The following USH2A variants were observed in gnomAD, a reference collection of about 807,000 sequenced individuals.
USH2A encodes the protein Usher syndrome 2A (autosomal recessive, mild).
In USH2A, 443 loss-of-function variants were observed where a neutral mutation model predicts 538.9. That is an observed-to-expected ratio of 0.82 (90% CI 0.76 to 0.89). The LOEUF is 0.89. USH2A is among the 40% of genes least tolerant of loss of function. The pLI, the probability that USH2A is intolerant of heterozygous loss-of-function variation, is 0.00. For missense variants in USH2A, 6,633 were observed against 6,324.8 expected, an observed-to-expected ratio of 1.05 and a Z score of -1.65; for synonymous variants, 2,413 against 2,273.5, an observed-to-expected ratio of 1.06 and a Z score of -1.75.
intron 16 of USH2A, among the ~76,000 whole-genome samples, chr1:216,200,728 T>C (rs2034968475): frequency 6.6e-6 from 1 of 151,488 alleles, no homozygotes; most frequent in Non-Finnish European, 1.5e-5. Context: ...TACAAAGAGG[T>C]TTTTAAAAAA....
At chr1:215,949,706 A>C (rs1478065182) in intron 37 of USH2A, among the ~76,000 whole-genome samples, 2 of 152,106 alleles carry the variant, frequency 1.3e-5, no homozygotes, top group Non-Finnish European at 2.9e-5. Context: ...AATATTTTTT[A>C]TAAAAATAAA....
intron 41 of USH2A, among the ~76,000 whole-genome samples, chr1:215,880,765 C>T (rs546795182): frequency 1.3e-5 from 2 of 152,116 alleles, no homozygotes; most frequent in Non-Finnish European, 2.9e-5. Context: ...CCTCTTAGAC[C>T]AGAATACTTT....
At position 215,892,308 on chromosome 1, in the gene USH2A, G is replaced by T. The variant is rs184129639; in HGVS notation, c.7595-3254C>A. Among the ~76,000 whole-genome samples, 475 of 152,142 alleles carry T rather than the reference G, an allele frequency of 3.1e-3. 2 individuals carry two copies. Among genetic ancestry groups the T allele is most frequent in the Non-Finnish European group, 4.2e-3 (283 of 67,982 alleles). The stretch of plus-strand genomic sequence containing the variant: ...TCAGTTTTCTTGTTACATTCTCATT[G>T]TTGCCCTGAAGCAATATTTTACCAT... On this transcript the variant is annotated intron_variant, in intron 40 of 71. Coordinates refer to ENST00000307340, the MANE Select transcript of USH2A (RefSeq NM_206933.4).
rs546656667 is a variant in USH2A at position 215,785,158 on chromosome 1, A to T, written c.10387+1512T>A. On this transcript the variant is annotated intron_variant, in intron 52 of 71. Coordinates refer to ENST00000307340, the MANE Select transcript of USH2A (RefSeq NM_206933.4). ...ATGCCCTATTCATAAGGATGTTTCAATCTAATAGAAGAGCTGGAACAAGTG... is the reference window on the plus strand; with the variant it reads ...ATGCCCTATTCATAAGGATGTTTCATTCTAATAGAAGAGCTGGAACAAGTG... 9.2e-5 allele frequency among the ~76,000 whole-genome samples: 14 copies of T among 152,322 alleles called. No individual in the cohort carries two copies. In the East Asian group the frequency reaches 2.5e-3, roughly 27 times the overall value.
chr1:216,371,638 T>C (rs1466008582), intron 3 of USH2A, among the ~76,000 whole-genome samples: 2 of 152,214 alleles, frequency 1.3e-5, no homozygotes, highest in African/African-American at 4.8e-5. Context: ...CTTGTTAGAT[T>C]CAGCCTATTG....
chr1:216,233,316 G>C (rs1459757552), intron 13 of USH2A, among the ~76,000 whole-genome samples: 1 of 152,000 alleles, frequency 6.6e-6, no homozygotes. Flanking sequence ...TATCTCTGTT[G>C]CTCAGTTCAC....
At chr1:216,401,850 C>A (rs1361126491) in intron 3 of USH2A, among the ~76,000 whole-genome samples, 4 of 152,042 alleles carry the variant, frequency 2.6e-5, no homozygotes, top group African/African-American at 9.7e-5. Flanking sequence ...ACAATTAAAT[C>A]AGGGACGTCA....
chr1:215,951,477 T>A (rs546158352), intron 37 of USH2A, among the ~76,000 whole-genome samples: 2 of 152,306 alleles, frequency 1.3e-5, no homozygotes, highest in South Asian at 4.1e-4. Flanking sequence ...CTTCCAACTA[T>A]GTGGTCAATT....
chr1:216,120,774 C>T (rs1341002333), intron 21 of USH2A, among the ~76,000 whole-genome samples: 1 of 151,778 alleles, frequency 6.6e-6, no homozygotes, highest in East Asian at 2.0e-4. Context: ...TCGCTTGAAC[C>T]CGGGAGGTGG....
At chr1:215,789,934 G>A in intron 51 of USH2A, 125 bp downstream of exon 51, 1 of 848,184 alleles carries the variant, frequency 1.2e-6, no homozygotes, top group South Asian at 1.5e-5. Context: ...TAATATGGAT[G>A]TAATGTGAAA....
intron 21 of USH2A, among the ~76,000 whole-genome samples, chr1:216,097,603 T>G (rs1203947328): frequency 6.6e-6 from 1 of 152,154 alleles, no homozygotes; most frequent in Admixed American, 6.5e-5. Flanking sequence ...GCTTAAAATA[T>G]TTATGAAGTT....
chr1:216,107,545 TTG>T (rs1571966851), intron 21 of USH2A, among the ~76,000 whole-genome samples: 2 of 69,374 alleles, frequency 2.9e-5, no homozygotes, highest in East Asian at 0.011. Context: ...TTTGTAAGTC[TTG>T]CTTATTTAGC....
At chr1:216,365,682 T>A (rs539059220) in intron 3 of USH2A, among the ~76,000 whole-genome samples, 13 of 152,096 alleles carry the variant, frequency 8.5e-5, no homozygotes, top group African/African-American at 3.1e-4. Context: ...ATTAGCAATT[T>A]TTTTTTTCTG....
intron 21 of USH2A, among the ~76,000 whole-genome samples, chr1:216,142,276 G>A (rs778349603): frequency 7.2e-5 from 11 of 152,164 alleles, no homozygotes; most frequent in Non-Finnish European, 1.3e-4. Context: ...ATTGTATTAC[G>A]TTTGGCAATG....
Position 216,180,107 on chromosome 1 carries a change from A to G in USH2A, c.4397-4625T>C, listed in dbSNP as rs575044547. On this transcript the variant is annotated intron_variant, in intron 20 of 71. Transcript: ENST00000307340. ...GAAAACAAGTTTCTATACAAATATA[A>G]GGTGCTATCATTACAAGAACAAATC... Among the ~76,000 whole-genome samples the G allele has an allele frequency of 1.4e-4, 21 of 152,236 alleles. No homozygotes were observed. The East Asian group carries it at 3.7e-3, about 27-fold the overall frequency.
intron 37 of USH2A, among the ~76,000 whole-genome samples, chr1:215,962,896 A>C (rs1480941517): frequency 1.3e-5 from 2 of 152,116 alleles, no homozygotes; most frequent in Non-Finnish European, 2.9e-5. Context: ...TGTTTTTGTA[A>C]AGTTTTTAGT....
At chr1:216,112,015 T>G (rs939150884) in intron 21 of USH2A, among the ~76,000 whole-genome samples, 4 of 152,026 alleles carry the variant, frequency 2.6e-5, no homozygotes, top group Non-Finnish European at 4.4e-5. Flanking sequence ...TTAGAAAAAC[T>G]TTTTCTTTTT....
chr1:215,660,057 A>G (rs1657394506), intron 64 of USH2A, among the ~76,000 whole-genome samples: 1 of 152,208 alleles, frequency 6.6e-6, no homozygotes, highest in Non-Finnish European at 1.5e-5. Flanking sequence ...TTGATTTTTG[A>G]AAGTCCCAAA....
chr1:215,816,403 G>A (rs1257475378), intron 48 of USH2A, among the ~76,000 whole-genome samples: 2 of 152,042 alleles, frequency 1.3e-5, no homozygotes, highest in Non-Finnish European at 2.9e-5. Context: ...TTCTTTTGCA[G>A]TAAATCTTAT....
Sources: gnomAD v4.1 joint callset for allele counts (sites outside exome capture counted in the v4.1 genomes callset) on GRCh38, gnomAD v4.1.1 for gene constraint, MANE v1.5 for transcripts, NCBI Gene and HGNC (gene_info 2026-07-23, HGNC 2026-07-21) for gene names.